PCGF1: variants seen among roughly 807,000 people sequenced by gnomAD.
The protein encoded by PCGF1 is polycomb group ring finger 1, also known as polycomb group RING finger protein 1.
Under a neutral mutation model 38.8 loss-of-function variants are expected in PCGF1, and 10 were observed. The observed-to-expected ratio is 0.26, with a 90% CI of 0.16 to 0.44. The LOEUF is 0.44. Among genes scored for constraint, PCGF1 ranks in the 20% least tolerant of loss-of-function variants. The pLI is 1.00. For synonymous variants in PCGF1, 119 were observed against 121.3 expected (o/e 0.98, Z 0.12); for missense variants, 230 against 331.5 (o/e 0.69, Z 2.38).
chr2:74,506,166 C>A lies in PCGF1; in HGVS notation c.424+15G>T. 1 of 1,613,996 alleles carries A rather than the reference C, an allele frequency of 6.2e-7. No individual in the cohort carries two copies. The highest frequency in any genetic ancestry group is 8.5e-7 in the Non-Finnish European group (1 of 1,179,866). The stretch of plus-strand genomic sequence containing the variant: ...ATGCTCTGGGGTCTTTACTGTCCCG[C>A]GGCCAAGGACATACCTTCCCCAGTG... On this transcript the variant is annotated intron_variant, in intron 4 of 8. Transcript: ENST00000233630.
intron 3 of PCGF1, 112 bp downstream of exon 3, chr2:74,506,620 T>A: frequency 8.3e-7 from 1 of 1,206,736 alleles, no homozygotes; most frequent in South Asian, 1.2e-5. Context: ...CTTTTTGTCC[T>A]TCCCTCATCT....
intron 3 of PCGF1, chr2:74,506,501 C>T (rs1674638267): frequency 1.6e-6 from 1 of 618,414 alleles, no homozygotes. Context: ...TGGCATGAAT[C>T]CAGGAGGTGG....
At chr2:74,505,695 G>C in intron 6 of PCGF1, 42 bp downstream of exon 6, 1 of 1,614,022 alleles carries the variant, frequency 6.2e-7, no homozygotes, top group Non-Finnish European at 8.5e-7. Context: ...GACCATGGGA[G>C]GTGAGTCTCC....
At chr2:74,506,108 T>A (rs764543076) in intron 4 of PCGF1, 51 bp from the exon 5 acceptor site, 1 of 1,612,546 alleles carries the variant, frequency 6.2e-7, no homozygotes, top group Non-Finnish European at 8.5e-7. Context: ...TCCATACTCC[T>A]CTTTCCCCAG....
At chr2:74,506,470 C>G in intron 3 of PCGF1, 1 of 612,430 alleles carries the variant, frequency 1.6e-6, no homozygotes, top group African/African-American at 1.8e-5. Context: ...CCCAGCTACT[C>G]AGGAGGCTGA....
In PCGF1 at chr2:74,506,222, T is replaced by C; in HGVS notation, c.383A>G (p.Gln128Arg). The change falls in exon 4 of 9, where the codon CAG (glutamine) becomes CGG (arginine). Residue 128 changes from glutamine (Q) to arginine (R), a missense_variant. Around this residue, in one of 3 missense-constraint regions of PCGF1, gnomAD observed 144 missense variants for 182.4 expected, o/e 0.79. Coordinates refer to ENST00000233630, the MANE Select transcript of PCGF1 (RefSeq NM_032673.3). ...GGTGACCCGGTCCAAACCTCGGGACTGGTAGAATTCCCGAATCCGTTTCTC... is the reference window on the plus strand; with the variant it reads ...GGTGACCCGGTCCAAACCTCGGGACCGGTAGAATTCCCGAATCCGTTTCTC... ...SEEKRIREFY[Q>R]SRGLDRVTQP... is the part of the protein sequence containing the mutation. 6.2e-7 allele frequency: 1 copy of C among 1,614,134 alleles called. No homozygotes were observed. Among genetic ancestry groups the C allele is most frequent in the Non-Finnish European group, 8.5e-7 (1 of 1,180,018 alleles).
intron 1 of PCGF1, 189 bp downstream of exon 1, chr2:74,507,387 C>A (rs1181829468): frequency 2.8e-6 from 4 of 1,453,906 alleles, no homozygotes; most frequent in Non-Finnish European, 3.6e-6. Flanking sequence ...GGAGACTACA[C>A]AACGTCGGCG....
chr2:74,507,511 G>A, intron 1 of PCGF1, 65 bp downstream of exon 1: 1 of 1,538,046 alleles, frequency 6.5e-7, no homozygotes, highest in Non-Finnish European at 8.7e-7. Context: ...GCCACCGCCC[G>A]TCCTTTAGCC....
intron 5 of PCGF1, 55 bp downstream of exon 5, chr2:74,505,897 C>T: frequency 6.2e-7 from 1 of 1,605,576 alleles, no homozygotes; most frequent in Non-Finnish European, 8.5e-7. Context: ...TAGACCCTCC[C>T]TGGCTCTGGG....
At chr2:74,505,514 C>T (rs200377150) in intron 7 of PCGF1, 38 bp downstream of exon 7, 3 of 1,612,982 alleles carry the variant, frequency 1.9e-6, no homozygotes, top group Non-Finnish European at 2.5e-6. Flanking sequence ...TTCTTAGCCC[C>T]TTCTCCCCCT....
intron 8 of PCGF1, 28 bp from the exon 9 acceptor site, chr2:74,505,218 C>A: frequency 6.4e-7 from 1 of 1,563,828 alleles, no homozygotes; most frequent in Non-Finnish European, 8.7e-7. Flanking sequence ...AAGTAGTAGT[C>A]AGTGGGGAAT....
Position 74,506,935 on chromosome 2 carries a change from G to A in PCGF1, c.200-51C>T, listed in dbSNP as rs368528693. On this transcript the variant is annotated intron_variant, in intron 2 of 8. Transcript: ENST00000233630. ...CAGGCCCTCTGGAAACTGGATTCAT[G>A]GGCTGGGTGGGGTGCCTGGATGCGT... 5.6e-6 allele frequency: 9 copies of A among 1,611,712 alleles called. No individual in the cohort carries two copies. The African/African-American group carries it at 9.3e-5, about 17-fold the overall frequency.
chr2:74,505,996 G>A lies in PCGF1; in HGVS notation c.486C>T (p.Tyr162=), dbSNP rs1221765188. 1.2e-6 allele frequency: 2 copies of A among 1,614,226 alleles called. No homozygotes were observed. Among genetic ancestry groups the A allele is most frequent in the South Asian group, 1.1e-5 (1 of 91,086 alleles). The change falls in exon 5 of 9, where the codon TAC becomes TAT. Residue 162 remains tyrosine, a synonymous_variant. Coordinates refer to ENST00000233630, the MANE Select transcript of PCGF1 (RefSeq NM_032673.3). ...FSSFDHSKAH[Y]YRYDEQLNLC... ...GGTTCAACTGCTCATCATAGCGATA[G>A]TAGTGGGCTTTAGAGTGGTCAAAGC...
chr2:74,507,498 C>T, intron 1 of PCGF1, 78 bp downstream of exon 1: 2 of 1,526,886 alleles, frequency 1.3e-6, no homozygotes, highest in Admixed American at 2.0e-5. Flanking sequence ...GGGCGCCCGG[C>T]CAGCCACCGC....
In PCGF1 at chr2:74,507,351, G is replaced by T. The variant is rs1041690827; in HGVS notation, c.94-204C>A. ...GCACAGCGGGGGCTTCCCTCACGTGGACTCGCCTGACCCTCCTTTCCCAGG... is the reference window on the plus strand; with the variant it reads ...GCACAGCGGGGGCTTCCCTCACGTGTACTCGCCTGACCCTCCTTTCCCAGG... On this transcript the variant is annotated intron_variant, in intron 1 of 8. Transcript: ENST00000233630. 2.8e-6 allele frequency: 4 copies of T among 1,452,300 alleles called. No individual in the cohort carries two copies. The Admixed American group carries it at 7.8e-5, about 28-fold the overall frequency. The allele number at this position is 1,452,300 out of a possible 1,614,324, so 90.0% of individuals were successfully genotyped here. A position where few individuals can be genotyped will look rare whatever the true frequency, so the allele number is the denominator to read the frequency against.
intron 8 of PCGF1, 53 bp from the exon 9 acceptor site, chr2:74,505,243 C>A: frequency 6.4e-7 from 1 of 1,564,988 alleles, no homozygotes; most frequent in South Asian, 1.2e-5. Flanking sequence ...TTATATTATT[C>A]AAAGGGCCCC....
intron 7 of PCGF1, 58 bp from the exon 8 acceptor site, chr2:74,505,477 T>TG: frequency 6.2e-7 from 1 of 1,608,704 alleles, no homozygotes; most frequent in Non-Finnish European, 8.5e-7. Context: ...AAAACTACCC[T>TG]GGTCCACCCT....
chr2:74,507,516 T>G, intron 1 of PCGF1, 60 bp downstream of exon 1: 1 of 1,542,902 alleles, frequency 6.5e-7, no homozygotes, highest in Non-Finnish European at 8.7e-7. Context: ...CGCCCGTCCT[T>G]TAGCCCGCCC....
intron 1 of PCGF1, chr2:74,507,348 G>A: frequency 2.8e-6 from 4 of 1,452,582 alleles, no homozygotes; most frequent in Non-Finnish European, 2.7e-6. Flanking sequence ...CTTCCCTCAC[G>A]TGGACTCGCC....
Sources: gnomAD v4.1 joint callset for allele counts on GRCh38, gnomAD v4.1.1 for gene constraint, gnomAD v4.1.1 regional missense constraint, MANE v1.5 for transcripts, NCBI Gene and HGNC (gene_info 2026-07-23, HGNC 2026-07-21) for gene names.